The following ZNF385D variants were observed in gnomAD, a reference collection of about 807,000 sequenced individuals.
ZNF385D encodes zinc finger protein 385D, also known as zinc finger protein 659.
Under a neutral mutation model 35.8 loss-of-function variants are expected in ZNF385D, and 15 were observed. The observed-to-expected ratio is 0.42, with a 90% CI of 0.28 to 0.64. The LOEUF is 0.64. Among genes scored for constraint, ZNF385D ranks in the 30% least tolerant of loss-of-function variants. ZNF385D has a pLI of 0.23. For missense variants in ZNF385D, 474 were observed against 494.6 expected (o/e 0.96, Z 0.39); for synonymous variants, 212 against 186.8 (o/e 1.13, Z -1.10).
At chr3:22,314,328 C>T (rs1359020033) in intron 2 of ZNF385D, among the ~76,000 whole-genome samples, 1 of 152,022 alleles carries the variant, frequency 6.6e-6, no homozygotes, top group Admixed American at 6.6e-5. Flanking sequence ...TATGCCTTTG[C>T]ACCCTCATAG....
rs144544284 is a variant in ZNF385D, at chr3:21,551,227, G to A, written c.276+13347C>T. ...AGGAAACACATAGATCTTCCTCCAT[G>A]CCATTGTAGTAACAACCATTGAAAC... On this transcript the variant is annotated intron_variant, in intron 3 of 7. Coordinates refer to ENST00000281523, the MANE Select transcript of ZNF385D (RefSeq NM_024697.3). 2.0e-5 allele frequency among the ~76,000 whole-genome samples: 3 copies of A among 152,250 alleles called. No homozygotes were observed. The East Asian group carries it at 5.8e-4, about 29-fold the overall frequency.
chr3:21,421,619 G>A (rs775474567), intron 7 of ZNF385D, among the ~76,000 whole-genome samples, 172 bp from the exon 8 acceptor site: 34 of 152,124 alleles, frequency 2.2e-4, no homozygotes, highest in Admixed American at 1.1e-3. Context: ...TTTTCCCTTT[G>A]GAAGAGTTGG....
chr3:21,865,380 T>A (rs1679224), intron 3 of ZNF385D, among the ~76,000 whole-genome samples: 137,270 of 151,810 alleles, frequency 0.9, 62,427 homozygotes, highest in African/African-American at 0.93. Flanking sequence ...TCGTGAAAGA[T>A]AAAATCCTTG....
intron 3 of ZNF385D, among the ~76,000 whole-genome samples, chr3:21,974,272 C>T (rs1160068641): frequency 6.6e-6 from 1 of 151,962 alleles, no homozygotes; most frequent in East Asian, 1.9e-4. Context: ...TAAATCCATA[C>T]ATCTACAGTG....
intron 4 of ZNF385D, among the ~76,000 whole-genome samples, chr3:21,439,156 T>C (rs1385713883): frequency 6.6e-6 from 1 of 151,992 alleles, no homozygotes; most frequent in African/African-American, 2.4e-5. Flanking sequence ...AAATTGTATG[T>C]ATTTATAAAG....
chr3:22,317,542 C>G (rs1703970108), intron 2 of ZNF385D, among the ~76,000 whole-genome samples: 1 of 151,998 alleles, frequency 6.6e-6, no homozygotes, highest in Admixed American at 6.6e-5. Flanking sequence ...CACCCCTCAC[C>G]CTCCTATAAT....
At chr3:22,194,379 G>C (rs772385641) in intron 2 of ZNF385D, among the ~76,000 whole-genome samples, 2 of 151,570 alleles carry the variant, frequency 1.3e-5, no homozygotes, top group South Asian at 2.1e-4. Flanking sequence ...CAATCTGACA[G>C]GTATTTTTGG....
intron 2 of ZNF385D, among the ~76,000 whole-genome samples, chr3:22,295,807 C>T (rs986483174): frequency 3.3e-5 from 5 of 152,066 alleles, no homozygotes; most frequent in African/African-American, 1.2e-4. Context: ...TAAACTATAA[C>T]CTTTGAAAGA....
chr3:21,613,166 G>T (rs560780514), intron 2 of ZNF385D, among the ~76,000 whole-genome samples: 1 of 151,174 alleles, frequency 6.6e-6, no homozygotes, highest in African/African-American at 2.4e-5. Flanking sequence ...TAACAGCATG[G>T]GTAACATCAA....
At chr3:21,556,974 G>A (rs1405279187) in intron 3 of ZNF385D, among the ~76,000 whole-genome samples, 2 of 152,052 alleles carry the variant, frequency 1.3e-5, no homozygotes, top group Non-Finnish European at 2.9e-5. Flanking sequence ...CCCTCTGTCT[G>A]TTATTGGTGT....
At position 21,561,732 on chromosome 3, in the gene ZNF385D, C is replaced by T. The variant is rs376976661; in HGVS notation, c.276+2842G>A. ...GGTGGAACAATCAGAACACACACAA[C>T]GTTTATTAATTAAATTTACCATCTT... On this transcript the variant is annotated intron_variant, in intron 3 of 7. Coordinates refer to ENST00000281523, the MANE Select transcript of ZNF385D (RefSeq NM_024697.3). 9.2e-5 allele frequency among the ~76,000 whole-genome samples: 14 copies of T among 152,084 alleles called. No individual in the cohort carries two copies. The South Asian group carries it at 2.5e-3, about 27-fold the overall frequency.
At chr3:22,111,169 T>G (rs998635341) in intron 3 of ZNF385D, among the ~76,000 whole-genome samples, 16 of 120,002 alleles carry the variant, frequency 1.3e-4, no homozygotes, top group East Asian at 8.8e-4. Flanking sequence ...TTTTTTTTTT[T>G]TTTTTTTGTT....
At chr3:21,469,518 G>A (rs1179368931) in intron 4 of ZNF385D, among the ~76,000 whole-genome samples, 1 of 152,078 alleles carries the variant, frequency 6.6e-6, no homozygotes, top group Non-Finnish European at 1.5e-5. Flanking sequence ...GAAAACAAGT[G>A]TATTTTTTTC....
chr3:21,806,622 C>A (rs1385069306), intron 3 of ZNF385D, among the ~76,000 whole-genome samples: 5 of 152,186 alleles, frequency 3.3e-5, no homozygotes, highest in Admixed American at 6.5e-5. Flanking sequence ...CTTAAAACTA[C>A]ACAGACCTAA....
chr3:22,223,780 C>T (rs1386797703), intron 2 of ZNF385D, among the ~76,000 whole-genome samples: 1 of 152,040 alleles, frequency 6.6e-6, no homozygotes, highest in Non-Finnish European at 1.5e-5. Context: ...AGTGTGTGTA[C>T]CATAATGATT....
chr3:21,651,017 C>A (rs565946175), intron 2 of ZNF385D, among the ~76,000 whole-genome samples: 2 of 151,830 alleles, frequency 1.3e-5, no homozygotes, highest in Admixed American at 6.6e-5. Context: ...CGGTGGCTCA[C>A]GCCTGTAATC....
At chr3:22,017,581 T>C (rs1696970402) in intron 3 of ZNF385D, among the ~76,000 whole-genome samples, 1 of 151,662 alleles carries the variant, frequency 6.6e-6, no homozygotes, top group African/African-American at 2.4e-5. Flanking sequence ...CTTCCTTCCT[T>C]ATTCTCTTTT....
intron 2 of ZNF385D, among the ~76,000 whole-genome samples, chr3:22,197,189 C>G (rs895856155): frequency 6.6e-6 from 1 of 151,816 alleles, no homozygotes; most frequent in African/African-American, 2.4e-5. Flanking sequence ...ATTTATTCTG[C>G]TTGGTGTTTT....
At chr3:21,488,041 C>T (rs1405081854) in intron 4 of ZNF385D, among the ~76,000 whole-genome samples, 1 of 151,704 alleles carries the variant, frequency 6.6e-6, no homozygotes, top group Non-Finnish European at 1.5e-5. Context: ...GATGGGTGGA[C>T]GTATTTGAAA....
Sources: gnomAD v4.1 joint callset for allele counts (sites outside exome capture counted in the v4.1 genomes callset) on GRCh38, gnomAD v4.1.1 for gene constraint, MANE v1.5 for transcripts, NCBI Gene and HGNC (gene_info 2026-07-23, HGNC 2026-07-21) for gene names.